Variants in TRMT9B observed in about 807,000 individuals in gnomAD.
TRMT9B encodes tRNA methyltransferase 9B (putative).
Under a neutral mutation model 11.5 loss-of-function variants are expected in TRMT9B, and 16 were observed. That is an observed-to-expected ratio of 1.39 (90% CI 0.94 to 2.11). The LOEUF is 2.11. Ranked by LOEUF, TRMT9B falls within the 30% of genes most tolerant of loss-of-function variation. TRMT9B has a pLI of 0.00. For missense variants in TRMT9B, 941 were observed against 553.8 expected, an observed-to-expected ratio of 1.70 and a Z score of -7.02; for synonymous variants, 274 against 192.4, an observed-to-expected ratio of 1.42 and a Z score of -3.51.
rs548577856 is a variant in TRMT9B at position 13,027,657 on chromosome 8, G to A, written c.*5613G>A. On this transcript the variant is annotated 3_prime_UTR_variant, in exon 5 of 5. Coordinates refer to ENST00000524591, the MANE Select transcript of TRMT9B (RefSeq NM_020844.3). The stretch of plus-strand genomic sequence containing the variant: ...TGACAAGTAATTCCCACATTCCCTA[G>A]ATATATACTTGGATTTCAAATGCCA... 4 of 166,898 alleles carry A rather than the reference G, an allele frequency of 2.4e-5. No homozygotes were observed. Among genetic ancestry groups the A allele is most frequent in the African/African-American group, 9.7e-5 (4 of 41,362 alleles). The allele number at this position is 166,898 out of a possible 1,614,324, so 10.3% of individuals were successfully genotyped here.
intron 1 of TRMT9B, among the ~76,000 whole-genome samples, chr8:12,986,115 G>A (rs1347038020): frequency 6.6e-6 from 1 of 152,032 alleles, no homozygotes; most frequent in African/African-American, 2.4e-5. Flanking sequence ...GCCTATCCCG[G>A]CCTCCCAAAG....
chr8:12,992,026 T>G (rs1249430055), intron 2 of TRMT9B, among the ~76,000 whole-genome samples: 1 of 152,200 alleles, frequency 6.6e-6, no homozygotes, highest in Non-Finnish European at 1.5e-5. Context: ...CAAGTGCCCA[T>G]TGACTCACAG....
At chr8:13,004,152 C>G (rs1043731937) in intron 2 of TRMT9B, among the ~76,000 whole-genome samples, 2 of 151,956 alleles carry the variant, frequency 1.3e-5, no homozygotes, top group Non-Finnish European at 2.9e-5. Flanking sequence ...TCCCAGCAGT[C>G]TGAACTTGAG....
chr8:13,013,728 G>A (rs1480937830), intron 4 of TRMT9B, among the ~76,000 whole-genome samples: 2 of 152,132 alleles, frequency 1.3e-5, no homozygotes, highest in East Asian at 3.9e-4. Context: ...CGAAGTGGGT[G>A]TATCAGGAGG....
At chr8:13,011,709 C>G (rs949472686) in intron 3 of TRMT9B, 25 of 976,588 alleles carry the variant, frequency 2.6e-5, no homozygotes, top group Non-Finnish European at 3.0e-5. Context: ...TTACTTAGGT[C>G]TCTGCTACTG....
intron 3 of TRMT9B, among the ~76,000 whole-genome samples, chr8:13,009,027 C>A (rs1054914876): frequency 6.6e-6 from 1 of 151,914 alleles, no homozygotes; most frequent in Admixed American, 6.6e-5. Context: ...CGCGCCCGGC[C>A]GGTAATTTTT....
intron 1 of TRMT9B, among the ~76,000 whole-genome samples, chr8:12,968,552 T>C (rs972247490): frequency 4.6e-5 from 7 of 152,200 alleles, no homozygotes; most frequent in African/African-American, 1.7e-4. Context: ...TGGAATGCAA[T>C]CAGGTTAACT....
intron 1 of TRMT9B, among the ~76,000 whole-genome samples, chr8:12,984,929 C>A (rs1418620089): frequency 6.7e-6 from 1 of 148,776 alleles, no homozygotes; most frequent in African/African-American, 2.5e-5. Flanking sequence ...TTTGCATTAT[C>A]CTCTTACAAC....
chr8:13,010,676 A>C (rs2128893583), intron 3 of TRMT9B: 4 of 984,818 alleles, frequency 4.1e-6, no homozygotes, highest in African/African-American at 1.7e-5. Flanking sequence ...AAGATGTATG[A>C]GTCTGATTTT....
At chr8:12,989,992 G>A (rs768482790) in intron 1 of TRMT9B, among the ~76,000 whole-genome samples, 24 of 152,168 alleles carry the variant, frequency 1.6e-4, no homozygotes, top group Admixed American at 9.2e-4. Flanking sequence ...TTAAATAGGG[G>A]CCAGGACTAG....
intron 1 of TRMT9B, among the ~76,000 whole-genome samples, chr8:12,978,481 T>C (rs895988811): frequency 7.0e-6 from 1 of 142,850 alleles, no homozygotes; most frequent in African/African-American, 2.6e-5. Flanking sequence ...CAGTTGCTGC[T>C]AACCCGCGAC....
At chr8:12,965,234 A>T (rs1307258084) in intron 1 of TRMT9B, among the ~76,000 whole-genome samples, 2 of 152,218 alleles carry the variant, frequency 1.3e-5, no homozygotes, top group Non-Finnish European at 2.9e-5. Context: ...CATATGGCTG[A>T]ATTGGTTTTT....
intron 2 of TRMT9B, among the ~76,000 whole-genome samples, chr8:12,997,074 G>T (rs1025348806): frequency 6.6e-6 from 1 of 151,702 alleles, no homozygotes; most frequent in East Asian, 1.9e-4. Flanking sequence ...ATCCAACAGT[G>T]TGTATTCTTT....
rs185943128 is a variant in TRMT9B, at chr8:13,022,208, G to A, written c.*164G>A. The A allele has an allele frequency of 3.2e-5, 18 of 558,964 alleles. No homozygotes were observed. The highest frequency in any genetic ancestry group is 1.9e-4 in the African/African-American group (10 of 52,016). The allele number at this position is 558,964 out of a possible 1,614,324, so 34.6% of individuals were successfully genotyped here. A position where few individuals can be genotyped will look rare whatever the true frequency, so the allele number is the denominator to read the frequency against. Reference sequence around the variant, plus strand: ...TTGTTTTGTTTTCATTTTTGAATAAGCACAGATTCTGGCATTGAAAGCACT... The same window carrying A: ...TTGTTTTGTTTTCATTTTTGAATAAACACAGATTCTGGCATTGAAAGCACT... On this transcript the variant is annotated 3_prime_UTR_variant, in exon 5 of 5. Coordinates refer to ENST00000524591, the MANE Select transcript of TRMT9B (RefSeq NM_020844.3).
At chr8:12,978,533 T>C (rs1330912081) in intron 1 of TRMT9B, among the ~76,000 whole-genome samples, 1 of 148,590 alleles carries the variant, frequency 6.7e-6, no homozygotes, top group African/African-American at 2.4e-5. Flanking sequence ...GATAGATAGA[T>C]AGATAGATAG....
intron 3 of TRMT9B, among the ~76,000 whole-genome samples, chr8:13,009,871 G>A (rs1585350759): frequency 6.6e-6 from 1 of 152,136 alleles, no homozygotes; most frequent in East Asian, 1.9e-4. Flanking sequence ...TCTCACACGT[G>A]TAATCCTAGC....
chr8:12,949,518 A>G lies in TRMT9B; in HGVS notation c.-200+3552A>G, dbSNP rs2128855090. Among the ~76,000 whole-genome samples, 4 of 152,248 alleles carry G rather than the reference A, an allele frequency of 2.6e-5. No individual in the cohort carries two copies. In the Middle Eastern group the frequency reaches 0.01, roughly 388 times the overall value. On this transcript the variant is annotated intron_variant, in intron 1 of 4. Coordinates refer to ENST00000524591, the MANE Select transcript of TRMT9B (RefSeq NM_020844.3). Reference sequence around the variant, plus strand: ...TTCCTTTCCCACAACCATTACCCAAATTCTACTGGTGGTCACTGAAATGCC... The same window carrying G: ...TTCCTTTCCCACAACCATTACCCAAGTTCTACTGGTGGTCACTGAAATGCC...
intron 3 of TRMT9B, 199 bp from the exon 4 acceptor site, chr8:13,012,485 G>C (rs1260335134): frequency 3.1e-6 from 2 of 636,744 alleles, no homozygotes; most frequent in Admixed American, 3.8e-5. Context: ...TAAGGCAAGA[G>C]AATTGCTTGA....
chr8:12,977,245 G>C (rs991285936), intron 1 of TRMT9B, among the ~76,000 whole-genome samples: 2 of 152,154 alleles, frequency 1.3e-5, no homozygotes, highest in African/African-American at 4.8e-5. Context: ...TACTAATGCT[G>C]GTCGATGGAG....
Sources: allele counts gnomAD v4.1 joint callset (sites outside exome capture counted in the v4.1 genomes callset), GRCh38; gene constraint gnomAD v4.1.1; transcripts MANE v1.5; gene names NCBI Gene and HGNC (gene_info 2026-07-23, HGNC 2026-07-21).